EIF4G3: variants seen among roughly 807,000 people sequenced by gnomAD.
EIF4G3 encodes the protein eukaryotic translation initiation factor 4 gamma 3, also known as eIF-4-gamma 3.
EIF4G3 carries 34 observed loss-of-function variants against 186.4 expected under a neutral mutation model. That is an observed-to-expected ratio of 0.18 (90% confidence interval 0.14 to 0.24). The LOEUF is 0.24. Among genes scored for constraint, EIF4G3 ranks in the 10% least tolerant of loss-of-function variants. The pLI is 1.00. For missense variants in EIF4G3, 1,536 were observed against 1,948.5 expected (o/e 0.79, Z 3.99); for synonymous variants, 673 against 679.5 (o/e 0.99, Z 0.15).
Position 21,054,327 on chromosome 1 carries a change from C to G in EIF4G3, c.-195-3333G>C, listed in dbSNP as rs1014306764. ...AATCTCAAGTACCCAGGGACACAAACACTGCGGAAGGCCGCAGGGTCCTCT... is the reference window on the plus strand; with the variant it reads ...AATCTCAAGTACCCAGGGACACAAAGACTGCGGAAGGCCGCAGGGTCCTCT... On this transcript the variant is annotated intron_variant, in intron 3 of 36. Transcript: ENST00000602326. 1.5e-4 allele frequency among the ~76,000 whole-genome samples: 14 copies of G among 96,484 alleles called. 1 individual carries two copies. Among genetic ancestry groups the G allele is most frequent in the Non-Finnish European group, 2.4e-4 (10 of 41,740 alleles). The allele number at this position is 96,484 out of a possible 152,430, so 63.3% of individuals were successfully genotyped here. A position where few individuals can be genotyped will look rare whatever the true frequency, so the allele number is the denominator to read the frequency against.
intron 14 of EIF4G3, among the ~76,000 whole-genome samples, chr1:20,925,646 G>A (rs780093321): frequency 1.3e-5 from 2 of 152,114 alleles, no homozygotes; most frequent in Non-Finnish European, 2.9e-5. Context: ...CAATCTTTCT[G>A]TCCCAGATTC....
rs111963811 is a variant in EIF4G3 at position 20,882,655 on chromosome 1, A to G, written c.2425-3135T>C. ...CAAAAAAAAACAAAAAAAAATTAAC[A>G]AATTAGCCAGGTATAGTGGTCCATG... On this transcript the variant is annotated intron_variant, in intron 19 of 36. Transcript: ENST00000602326. 2.4e-4 allele frequency among the ~76,000 whole-genome samples: 37 copies of G among 151,906 alleles called. No homozygotes were observed. The East Asian group carries it at 2.7e-3, about 11-fold the overall frequency.
intron 2 of EIF4G3, among the ~76,000 whole-genome samples, chr1:21,149,656 TCTCTA>T (rs2097520192): frequency 6.6e-6 from 1 of 152,100 alleles, no homozygotes; most frequent in Non-Finnish European, 1.5e-5. Flanking sequence ...CAACTTTAAT[TCTCTA>T]CTCAAACCAC....
intron 4 of EIF4G3, among the ~76,000 whole-genome samples, chr1:21,020,473 G>C (rs966939752): frequency 2.0e-5 from 3 of 152,072 alleles, no homozygotes; most frequent in African/African-American, 4.8e-5. Context: ...CTGGGCAACA[G>C]AGTGAGACCC....
intron 4 of EIF4G3, among the ~76,000 whole-genome samples, chr1:21,006,975 C>T (rs187277070): frequency 1.8e-4 from 27 of 152,260 alleles, no homozygotes; most frequent in Admixed American, 4.6e-4. Flanking sequence ...AGATGAAATG[C>T]CATTTCTCGT....
chr1:20,976,171 A>C (rs1402580869), intron 10 of EIF4G3, among the ~76,000 whole-genome samples: 1 of 125,468 alleles, frequency 8.0e-6, no homozygotes, highest in South Asian at 3.7e-4. Flanking sequence ...TTTTTATTTT[A>C]TTTATTTATT....
intron 14 of EIF4G3, among the ~76,000 whole-genome samples, chr1:20,930,015 A>G (rs1051897006): frequency 1.3e-5 from 2 of 152,214 alleles, no homozygotes; most frequent in East Asian, 1.9e-4. Flanking sequence ...AGTGCGTATA[A>G]AAGTTATGTT....
intron 14 of EIF4G3, among the ~76,000 whole-genome samples, chr1:20,939,607 T>G (rs1245599968): frequency 6.6e-6 from 1 of 152,224 alleles, no homozygotes; most frequent in African/African-American, 2.4e-5. Flanking sequence ...CACTTTACAC[T>G]TATTTCAATT....
chr1:20,812,062 A>C (rs953879194), intron 35 of EIF4G3, among the ~76,000 whole-genome samples: 1 of 152,232 alleles, frequency 6.6e-6, no homozygotes, highest in Non-Finnish European at 1.5e-5. Context: ...CTCAGTACAA[A>C]GACACATACG....
chr1:20,938,589 G>A (rs1490165192), intron 14 of EIF4G3, among the ~76,000 whole-genome samples: 1 of 152,068 alleles, frequency 6.6e-6, no homozygotes, highest in East Asian at 1.9e-4. Flanking sequence ...CAAAGTAAAC[G>A]GCTGTTATGA....
At chr1:21,156,050 C>T (rs2097653652) in intron 2 of EIF4G3, among the ~76,000 whole-genome samples, 1 of 151,768 alleles carries the variant, frequency 6.6e-6, no homozygotes, top group Admixed American at 6.6e-5. Context: ...TCGCTTGAAC[C>T]CTGAGGGCAG....
chr1:21,113,967 G>A (rs1375283739), intron 2 of EIF4G3, among the ~76,000 whole-genome samples: 1 of 152,166 alleles, frequency 6.6e-6, no homozygotes, highest in Non-Finnish European at 1.5e-5. Flanking sequence ...AATGAGCCAT[G>A]ATCACAGCAC....
intron 34 of EIF4G3, among the ~76,000 whole-genome samples, chr1:20,814,766 CCTCCCCCTCCCCCTCCCCCTCTCCCT>C (rs2060060633): frequency 6.6e-5 from 4 of 60,496 alleles, no homozygotes; most frequent in South Asian, 9.7e-4. Context: ...TCCCCCTCCC[CCTCCCCCTCCCCCTCCCCCTCTCCCT>C]CTCCCCACAG....
chr1:20,979,481 T>C (rs897886929), intron 10 of EIF4G3, among the ~76,000 whole-genome samples: 7 of 152,176 alleles, frequency 4.6e-5, no homozygotes, highest in African/African-American at 1.2e-4. Context: ...GGAAATTGCA[T>C]TCTACTAAGA....
chr1:20,825,251 G>GAAAAAAAA (rs71585786), intron 32 of EIF4G3, 53 bp from the exon 33 acceptor site: 97 of 231,692 alleles, frequency 4.2e-4, no homozygotes, highest in South Asian at 1.8e-3. Flanking sequence ...AGAAGAAACA[G>GAAAAAAAA]AAAAAAAAAA....
At chr1:21,131,009 G>GATT (rs1285868213) in intron 2 of EIF4G3, among the ~76,000 whole-genome samples, 1 of 151,982 alleles carries the variant, frequency 6.6e-6, no homozygotes, top group East Asian at 1.9e-4. Context: ...GGAGGTCAAG[G>GATT]TGGGTGGATC....
chr1:21,159,451 A>G (rs902718233), intron 2 of EIF4G3, among the ~76,000 whole-genome samples: 2 of 150,654 alleles, frequency 1.3e-5, no homozygotes, highest in African/African-American at 2.4e-5. Context: ...AAAAAGAAAA[A>G]AAAAGGCTGG....
At chr1:21,021,762 G>A (rs2090767975) in intron 4 of EIF4G3, among the ~76,000 whole-genome samples, 1 of 151,936 alleles carries the variant, frequency 6.6e-6, no homozygotes, top group African/African-American at 2.4e-5. Context: ...CACCATGTTG[G>A]GCAGGCTGGT....
At chr1:21,070,465 C>T (rs1284643562) in intron 3 of EIF4G3, among the ~76,000 whole-genome samples, 1 of 152,134 alleles carries the variant, frequency 6.6e-6, no homozygotes, top group Non-Finnish European at 1.5e-5. Context: ...GACATGTTTT[C>T]CTCTCCACTT....
Sources: gnomAD v4.1 joint callset for allele counts (sites outside exome capture counted in the v4.1 genomes callset) on GRCh38, gnomAD v4.1.1 for gene constraint, MANE v1.5 for transcripts, NCBI Gene and HGNC (gene_info 2026-07-23, HGNC 2026-07-21) for gene names.